Variants in TMEM63C observed in about 807,000 individuals in gnomAD.
The protein encoded by TMEM63C is osmosensitive cation channel TMEM63C.
Under a neutral mutation model 99.2 loss-of-function variants are expected in TMEM63C, and 32 were observed. The observed-to-expected ratio is 0.32, with a 90% confidence interval of 0.24 to 0.43. TMEM63C has a LOEUF of 0.43. Among genes scored for constraint, TMEM63C ranks in the 20% least tolerant of loss-of-function variants. The pLI, the probability that TMEM63C is intolerant of heterozygous loss-of-function variation, is 1.00. For missense variants in TMEM63C, 826 were observed against 1,053.0 expected, an observed-to-expected ratio of 0.78 and a Z score of 2.98; for synonymous variants, 376 against 397.9, an observed-to-expected ratio of 0.94 and a Z score of 0.66.
intron 21 of TMEM63C, among the ~76,000 whole-genome samples, chr14:77,250,201 C>T (rs8003060): frequency 0.2 from 30,280 of 152,084 alleles, 3,719 homozygotes; most frequent in African/African-American, 0.35. Flanking sequence ...CAGTAGGGGC[C>T]AGCTTTTTCC....
chr14:77,256,669 A>T lies in TMEM63C; in HGVS notation c.2364A>T (p.Leu788=), dbSNP rs913466566. 6 of 1,613,872 alleles carry T rather than the reference A, an allele frequency of 3.7e-6. No homozygotes were observed. The African/African-American group carries it at 5.3e-5, about 14-fold the overall frequency. ...GTCTGAGGGGCTTTGCGAGGGAGCT[A>T]GACTCGGCCCAGTTCCAGGAAGGGC... The part of the protein sequence containing the change: ...ESGLRGFARE[L]DSAQFQEGLE... Residue 788 remains leucine (L), a synonymous_variant, in exon 24 of 24, where the codon CTA becomes CTT. Coordinates refer to ENST00000298351, the MANE Select transcript of TMEM63C (RefSeq NM_020431.4).
intron 1 of TMEM63C, among the ~76,000 whole-genome samples, chr14:77,185,403 G>A (rs116663046): frequency 0.014 from 2,111 of 152,306 alleles, 37 homozygotes; most frequent in African/African-American, 0.048. Context: ...GAAGGTCCTG[G>A]AGGCAGAAGC....
At chr14:77,182,853 G>A (rs1887937336) in intron 1 of TMEM63C, among the ~76,000 whole-genome samples, 1 of 152,150 alleles carries the variant, frequency 6.6e-6, no homozygotes, top group South Asian at 2.1e-4. Context: ...GCTTTGAGGA[G>A]AGGAAGGCCC....
chr14:77,205,081 C>A (rs1888371697), intron 1 of TMEM63C, among the ~76,000 whole-genome samples: 1 of 152,156 alleles, frequency 6.6e-6, no homozygotes, highest in Non-Finnish European at 1.5e-5. Context: ...GGAGAGAGAA[C>A]CTTCCAGGTG....
At position 77,231,617 on chromosome 14, in the gene TMEM63C, A is replaced by G. The variant is rs746683829; in HGVS notation, c.380A>G (p.Asp127Gly). 6.4e-7 allele frequency: 1 copy of G among 1,551,466 alleles called. No homozygotes were observed. The highest frequency in any genetic ancestry group is 1.2e-5 in the South Asian group (1 of 84,032). Reference sequence around the variant, plus strand: ...GAGGATCTGATTAACAAGTGTGGGGACGACGCGCGCATCTACATCGTGTTC... The same window carrying G: ...GAGGATCTGATTAACAAGTGTGGGGGCGACGCGCGCATCTACATCGTGTTC... ...KDEDLINKCGDDARIYIVFQY... is the reference protein window; with the variant it reads ...KDEDLINKCGGDARIYIVFQY... The change falls in exon 7 of 24, where the codon GAC becomes GGC. Residue 127 changes from aspartate to glycine, a missense_variant. Physicochemically the swap from Asp to Gly is moderately conservative, Grantham distance 94. Transcript: ENST00000298351.
intron 1 of TMEM63C, among the ~76,000 whole-genome samples, chr14:77,199,549 C>T (rs148759552): frequency 3.8e-3 from 582 of 152,288 alleles, no homozygotes; most frequent in African/African-American, 0.013. Context: ...ATCCTTGTTC[C>T]CACTGGTTTC....
Position 77,257,915 on chromosome 14 carries a change from G to A in TMEM63C, c.*1189G>A, listed in dbSNP as rs1889499802. On this transcript the variant is annotated 3_prime_UTR_variant, in exon 24 of 24. Transcript: ENST00000298351. ...CCCCAGGCCTGCCAGGGGTGTGGTG[G>A]AGGGGAAGGCCACGTGCTCCAGGGA... 2 of 152,328 alleles carry A rather than the reference G, an allele frequency of 1.3e-5. No individual in the cohort carries two copies. The highest frequency in any genetic ancestry group is 4.8e-5 in the African/African-American group (2 of 41,448). 9.4% of individuals were successfully genotyped at this position (152,328 alleles called of 1,614,324 possible). A position where few individuals can be genotyped will look rare whatever the true frequency, so the allele number is the denominator to read the frequency against.
chr14:77,210,439 A>T (rs1248285880), intron 1 of TMEM63C, among the ~76,000 whole-genome samples: 1 of 152,190 alleles, frequency 6.6e-6, no homozygotes, highest in African/African-American at 2.4e-5. Context: ...TGAAGAGTTG[A>T]GGAGTTTGAG....
chr14:77,186,705 A>G (rs1257794872), intron 1 of TMEM63C, among the ~76,000 whole-genome samples: 3 of 151,998 alleles, frequency 2.0e-5, no homozygotes, highest in African/African-American at 7.2e-5. Flanking sequence ...AACAAAACAA[A>G]ATAAAAAATC....
chr14:77,248,208 A>C (rs1478496565), intron 18 of TMEM63C, 139 bp from the exon 19 acceptor site: 2 of 729,262 alleles, frequency 2.7e-6, no homozygotes, highest in East Asian at 5.5e-5. Context: ...AAGAGAGGAA[A>C]TGTTATTCTC....
chr14:77,249,278 C>CT lies in TMEM63C; in HGVS notation c.1871-10dup, dbSNP rs778734271. The CT allele has an allele frequency of 7.4e-6, 12 of 1,613,188 alleles. No homozygotes were observed. The East Asian group carries it at 2.7e-4, about 36-fold the overall frequency. On this transcript the variant is annotated splice_polypyrimidine_tract_variant and intron_variant, in intron 20 of 23. Transcript: ENST00000298351. Reference sequence around the variant, plus strand: ...AAGGGGCCACTGAGTAAGTTTCCACCTTTGTCCCCCAGGGTTGCTCTACCT... The same window carrying CT: ...AAGGGGCCACTGAGTAAGTTTCCACCTTTTGTCCCCCAGGGTTGCTCTACCT...
At chr14:77,188,175 A>C (rs1888036217) in intron 1 of TMEM63C, among the ~76,000 whole-genome samples, 1 of 152,114 alleles carries the variant, frequency 6.6e-6, no homozygotes, top group Non-Finnish European at 1.5e-5. Flanking sequence ...CTCCTTGATG[A>C]AGCCCTCCCT....
intron 21 of TMEM63C, 111 bp from the exon 22 acceptor site, chr14:77,251,678 G>T: frequency 1.3e-6 from 1 of 789,010 alleles, no homozygotes; most frequent in South Asian, 1.5e-5. Flanking sequence ...GAGGAGGACT[G>T]GCAAGGTCAA....
chr14:77,202,825 G>A lies in TMEM63C; in HGVS notation c.-76-10621G>A, dbSNP rs866802672. Among the ~76,000 whole-genome samples, 117 of 141,114 alleles carry A rather than the reference G, an allele frequency of 8.3e-4. 1 individual carries two copies. The South Asian group carries it at 0.016, about 19-fold the overall frequency. 92.6% of individuals were successfully genotyped at this position (141,114 alleles called of 152,430 possible). ...TAGCTACAGAGGCAGACAGGCAGGC[G>A]CACACACACACACACACACACACAC... is the stretch of plus-strand genomic sequence containing the variant. On this transcript the variant is annotated intron_variant, in intron 1 of 23. Coordinates refer to ENST00000298351, the MANE Select transcript of TMEM63C (RefSeq NM_020431.4).
intron 1 of TMEM63C, among the ~76,000 whole-genome samples, chr14:77,188,214 C>T (rs1239304961): frequency 2.6e-5 from 4 of 152,164 alleles, no homozygotes; most frequent in Non-Finnish European, 5.9e-5. Context: ...ATCTTAACAG[C>T]CTTGAATGCC....
chr14:77,182,576 C>T (rs976108006), intron 1 of TMEM63C, among the ~76,000 whole-genome samples: 1 of 152,174 alleles, frequency 6.6e-6, no homozygotes, highest in South Asian at 2.1e-4. Context: ...CTCCCAGGCA[C>T]TGCCTTCACC....
At chr14:77,202,197 C>T (rs1888310697) in intron 1 of TMEM63C, among the ~76,000 whole-genome samples, 1 of 152,130 alleles carries the variant, frequency 6.6e-6, no homozygotes, top group African/African-American at 2.4e-5. Context: ...CATAAATATG[C>T]ATGCAACCCA....
In TMEM63C at chr14:77,246,291, C is replaced by A. The variant is rs1286512462; in HGVS notation, c.1535+265C>A. ...GCCTGACAGCCCCACATGGGAACAA[C>A]ACAGCCAAAAAGCAGTGGAAATTCA... is the stretch of plus-strand genomic sequence containing the variant. On this transcript the variant is annotated intron_variant, in intron 17 of 23. Coordinates refer to ENST00000298351, the MANE Select transcript of TMEM63C (RefSeq NM_020431.4). 2.0e-5 allele frequency among the ~76,000 whole-genome samples: 3 copies of A among 152,220 alleles called. No individual in the cohort carries two copies. In the South Asian group the frequency reaches 6.2e-4, roughly 31 times the overall value.
chr14:77,195,057 C>G (rs1888192987), intron 1 of TMEM63C, among the ~76,000 whole-genome samples: 1 of 151,948 alleles, frequency 6.6e-6, no homozygotes, highest in African/African-American at 2.4e-5. Flanking sequence ...CATTGGAGAC[C>G]AGTCTTGGCA....
Sources: allele counts gnomAD v4.1 joint callset (sites outside exome capture counted in the v4.1 genomes callset), GRCh38; gene constraint gnomAD v4.1.1; transcripts MANE v1.5; gene names NCBI Gene and HGNC (gene_info 2026-07-23, HGNC 2026-07-21).